The following STX19 variants were observed in gnomAD, a reference collection of about 807,000 sequenced individuals.
STX19 encodes the protein syntaxin 19.
A neutral mutation model predicts 24.3 loss-of-function variants in STX19; 26 were observed. The observed-to-expected ratio is 1.07, with a 90% CI of 0.78 to 1.48. The LOEUF is 1.48. Ranked by LOEUF, STX19 falls within the 40% of genes most tolerant of loss-of-function variation. The pLI is 0.00. For synonymous variants in STX19, 116 were observed against 106.9 expected (o/e 1.09, Z -0.52); for missense variants, 367 against 331.9 (o/e 1.11, Z -0.82).
At chr3:94,023,783 A>G (rs2076499525) in intron 1 of STX19, among the ~76,000 whole-genome samples, 1 of 152,134 alleles carries the variant, frequency 6.6e-6, no homozygotes, top group Non-Finnish European at 1.5e-5. Flanking sequence ...TCTATATCAA[A>G]TACTGTATTA....
chr3:94,023,020 C>T (rs1405028437), intron 1 of STX19, among the ~76,000 whole-genome samples: 1 of 151,630 alleles, frequency 6.6e-6, no homozygotes, highest in East Asian at 1.9e-4. Flanking sequence ...TCTAATGTAA[C>T]CTGATTGTGT....
At chr3:94,021,249 A>G (rs1005538591) in intron 1 of STX19, among the ~76,000 whole-genome samples, 3 of 150,920 alleles carry the variant, frequency 2.0e-5, no homozygotes, top group Admixed American at 6.6e-5. Context: ...GCTGGAGTGC[A>G]GTGTCATGAT....
At chr3:94,025,261 A>G (rs2076531330) in intron 1 of STX19, among the ~76,000 whole-genome samples, 1 of 151,368 alleles carries the variant, frequency 6.6e-6, no homozygotes, top group Non-Finnish European at 1.5e-5. Context: ...AAAAAACAAA[A>G]TATCCTTTTT....
At position 94,014,963 on chromosome 3, in the gene STX19, CT is replaced by C. The variant is rs1351998563; in HGVS notation, c.306del (p.Glu103AsnfsTer7). On this transcript the variant is annotated frameshift_variant, in exon 2 of 2. Transcript: ENST00000315099. LOFTEE classifies it high-confidence loss of function. ...TCATTCAAACTTCTGTTGATGTATT[CT>C]GCCTGAATTTTTATCTCCTTTGTAA... ...STITKEIKIQ[A>X]EYINRSLNDL... The C allele has an allele frequency of 6.2e-7, 1 of 1,613,934 alleles. No individual in the cohort carries two copies. The highest frequency in any genetic ancestry group is 1.1e-5 in the South Asian group (1 of 91,050).
At chr3:94,020,131 G>A (rs2076417432) in intron 1 of STX19, among the ~76,000 whole-genome samples, 1 of 151,978 alleles carries the variant, frequency 6.6e-6, no homozygotes, top group African/African-American at 2.4e-5. Flanking sequence ...ATTCATTCTG[G>A]TACCTCATAG....
intron 1 of STX19, among the ~76,000 whole-genome samples, chr3:94,023,836 T>C (rs2076501022): frequency 6.6e-6 from 1 of 152,182 alleles, no homozygotes; most frequent in Non-Finnish European, 1.5e-5. Context: ...AGAAAAAATT[T>C]AGCAGGAGAT....
chr3:94,026,631 T>C (rs1223494679), intron 1 of STX19, among the ~76,000 whole-genome samples: 2 of 152,326 alleles, frequency 1.3e-5, no homozygotes, highest in East Asian at 3.9e-4. Context: ...ACAGGATTCA[T>C]ATAAGCATAA....
intron 1 of STX19, among the ~76,000 whole-genome samples, chr3:94,025,831 C>T (rs2076544623): frequency 6.6e-6 from 1 of 152,128 alleles, no homozygotes; most frequent in Non-Finnish European, 1.5e-5. Context: ...TCTTTGTATA[C>T]AGATTATGTT....
chr3:94,017,727 A>G (rs1488585462), intron 1 of STX19, among the ~76,000 whole-genome samples: 2 of 152,178 alleles, frequency 1.3e-5, no homozygotes, highest in African/African-American at 4.8e-5. Flanking sequence ...CTAAGCAGAT[A>G]TTTGAGATGT....
At position 94,014,598 on chromosome 3, in the gene STX19, G is replaced by A. The variant is rs138617718; in HGVS notation, c.672C>T (p.Asn224=). The change falls in exon 2 of 2, where the codon AAC becomes AAT. Residue 224 remains asparagine, a synonymous_variant. Transcript: ENST00000315099. ...AAAGATCCCTTAAATCCTTTATTTG[G>A]TTCTCCAAATTAACAAGTTCCTTGT... ...QRHKELVNLE[N]QIKDLRDLFI... 43 of 1,612,668 alleles carry A rather than the reference G, an allele frequency of 2.7e-5. No homozygotes were observed. In the African/African-American group the frequency reaches 4.5e-4, roughly 17 times the overall value.
At chr3:94,024,000 G>A (rs1383661442) in intron 1 of STX19, among the ~76,000 whole-genome samples, 1 of 152,020 alleles carries the variant, frequency 6.6e-6, no homozygotes, top group Non-Finnish European at 1.5e-5. Context: ...AAGAAATATT[G>A]CATTTTATAT....
At position 94,014,902 on chromosome 3, in the gene STX19, T is replaced by C. The variant is rs1193599662; in HGVS notation, c.368A>G (p.Asn123Ser). The C allele has an allele frequency of 6.2e-7, 1 of 1,613,564 alleles. No homozygotes were observed. The highest frequency in any genetic ancestry group is 2.2e-5 in the East Asian group (1 of 44,862). ...CCTTGTGACCACTGAAGATGGACCA[T>C]TTTCAACCTCTGACTTTTTAACTTC... ...VKEVKKSEVE[N>S]GPSSVVTRIL... Residue 123 changes from asparagine (N) to serine (S), a missense_variant, in exon 2 of 2, where the codon AAT becomes AGT. Coordinates refer to ENST00000315099, the MANE Select transcript of STX19 (RefSeq NM_001001850.3).
In STX19 at chr3:94,014,417, A is replaced by G; in HGVS notation, c.853T>C (p.Cys285Arg). 1 of 1,563,496 alleles carries G rather than the reference A, an allele frequency of 6.4e-7. No individual in the cohort carries two copies. Among genetic ancestry groups the G allele is most frequent in the Non-Finnish European group, 8.6e-7 (1 of 1,163,020 alleles). Residue 285 changes from cysteine to arginine, a missense_variant, in exon 2 of 2, where the codon TGT (cysteine) becomes CGT (arginine). Physicochemically the swap from Cys to Arg is radical, Grantham distance 180. Coordinates refer to ENST00000315099, the MANE Select transcript of STX19 (RefSeq NM_001001850.3). ...GAGCTACAGCATGGACAGCACCAAC[A>G]ACACAGTACTCTGCAAGGATTTCTT... ...KKRNPCRVLC[C>R]WCCPCCSSK
Position 94,014,954 on chromosome 3 carries a change from T to C in STX19, c.316A>G (p.Asn106Asp), listed in dbSNP as rs994110094. ...TTAACTAAATCATTCAAACTTCTGT[T>C]GATGTATTCTGCCTGAATTTTTATC... ...KEIKIQAEYI[N>D]RSLNDLVKEV... Residue 106 changes from asparagine to aspartate, a missense_variant, in exon 2 of 2, where the codon AAC becomes GAC. Physicochemically the swap from Asn to Asp is conservative, Grantham distance 23 (BLOSUM62 1). Transcript: ENST00000315099. 1.2e-6 allele frequency: 2 copies of C among 1,613,844 alleles called. No homozygotes were observed. The highest frequency in any genetic ancestry group is 2.7e-5 in the African/African-American group (2 of 74,940).
At chr3:94,017,775 G>A (rs981527348) in intron 1 of STX19, among the ~76,000 whole-genome samples, 3 of 152,156 alleles carry the variant, frequency 2.0e-5, no homozygotes, top group East Asian at 1.9e-4. Context: ...ATGAAGAGCC[G>A]AGGGAGTGTA....
intron 1 of STX19, among the ~76,000 whole-genome samples, chr3:94,026,587 CAAAT>C (rs1478816188): frequency 6.6e-6 from 1 of 152,016 alleles, no homozygotes; most frequent in Non-Finnish European, 1.5e-5. Context: ...CAAAATGAGA[CAAAT>C]AAGCATGTTA....
At chr3:94,026,559 A>G (rs1049608063) in intron 1 of STX19, among the ~76,000 whole-genome samples, 8 of 152,200 alleles carry the variant, frequency 5.3e-5, no homozygotes, top group African/African-American at 1.9e-4. Context: ...TTATATCTTC[A>G]TGAATTAGAA....
At position 94,014,728 on chromosome 3, in the gene STX19, T is replaced by A; in HGVS notation, c.542A>T (p.Asp181Val). The change falls in exon 2 of 2, where the codon GAT becomes GTT. Residue 181 changes from aspartate to valine, a missense_variant. Asp to Val is a radical substitution (Grantham distance 152, BLOSUM62 -3). Coordinates refer to ENST00000315099, the MANE Select transcript of STX19 (RefSeq NM_001001850.3). ...EVAGKEMSEE[D>V]VNDMLHQGKW... ...TCCTTGATGAAGCATATCATTTACA[T>A]CTTCTTCAGACATCTCTTTTCCAGC... is the stretch of plus-strand genomic sequence containing the variant. 9 of 1,613,012 alleles carry A rather than the reference T, an allele frequency of 5.6e-6. No individual in the cohort carries two copies. The highest frequency in any genetic ancestry group is 7.6e-6 in the Non-Finnish European group (9 of 1,179,710).
intron 1 of STX19, among the ~76,000 whole-genome samples, chr3:94,021,438 GC>G (rs2076447122): frequency 6.6e-6 from 1 of 151,892 alleles, no homozygotes; most frequent in Non-Finnish European, 1.5e-5. Context: ...CAAGTGATCT[GC>G]CCGCCTCAGC....
Sources: gnomAD v4.1 joint callset for allele counts (sites outside exome capture counted in the v4.1 genomes callset) on GRCh38, gnomAD v4.1.1 for gene constraint, MANE v1.5 for transcripts, NCBI Gene and HGNC (gene_info 2026-07-23, HGNC 2026-07-21) for gene names.